Variants in OVCH2 observed in about 807,000 individuals in gnomAD.
OVCH2 encodes ovochymase 2.
A neutral mutation model predicts 73.7 loss-of-function variants in OVCH2; 88 were observed. The ratio of observed to expected loss-of-function variants is 1.19; its 90% CI spans 1.01 to 1.43. OVCH2 has a LOEUF of 1.43. Among genes scored for constraint, OVCH2 ranks in the 40% most tolerant of loss-of-function variants. The pLI is 0.00. For missense variants in OVCH2, 706 were observed against 674.5 expected (o/e 1.05, Z -0.52); for synonymous variants, 265 against 234.5 (o/e 1.13, Z -1.19).
chr11:7,684,011 A>G, the OVCH2 span, among the ~76,000 whole-genome samples: 5 of 149,014 alleles, frequency 3.4e-5, no homozygotes, highest in East Asian at 9.7e-4. Context: ...ATATATATAT[A>G]TGTATATAAA....
chr11:7,698,437 C>T (rs983875662), intron 8 of OVCH2, among the ~76,000 whole-genome samples: 9 of 152,162 alleles, frequency 5.9e-5, no homozygotes, highest in Non-Finnish European at 1.0e-4. Flanking sequence ...TAAGTAGGGA[C>T]ACTTTCAGGG....
downstream of OVCH2, among the ~76,000 whole-genome samples, chr11:7,684,922 T>C (rs919340919): frequency 2.6e-5 from 4 of 152,116 alleles, no homozygotes; most frequent in African/African-American, 9.7e-5. Context: ...CTTGCATTTG[T>C]CTCTCTCTCT....
chr11:7,691,446 G>A, intron 13 of OVCH2, 46 bp from the exon 14 acceptor site: 1 of 1,574,026 alleles, frequency 6.4e-7, no homozygotes, highest in East Asian at 2.3e-5. Context: ...GCACCCAGCA[G>A]ATAGCCATGG....
the OVCH2 span, among the ~76,000 whole-genome samples, chr11:7,683,202 C>T: frequency 2.0e-5 from 3 of 152,192 alleles, no homozygotes; most frequent in East Asian, 1.9e-4. Flanking sequence ...GCCCACTTGA[C>T]ATATCCTTTT....
At position 7,703,700 on chromosome 11, in the gene OVCH2, G is replaced by A. The variant is rs780112294; in HGVS notation, c.288C>T (p.Asn96=). The A allele has an allele frequency of 6.9e-6, 11 of 1,601,394 alleles. No individual in the cohort carries two copies. Among genetic ancestry groups the A allele is most frequent in the East Asian group, 2.2e-5 (1 of 44,700 alleles). The change falls in exon 3 of 16, where the codon AAC becomes AAT. Residue 96 remains asparagine, a splice_region_variant and synonymous_variant. Transcript: ENST00000533663. ...WVITAAHCIA[N]RNIVSTLNVT... ...CTCATGGGCTAGGCCTTTCTTACCT[G>A]TTTGCAATGCAGTGAGCCGCCGTGA...
At chr11:7,694,260 G>A (rs909913037) in intron 12 of OVCH2, among the ~76,000 whole-genome samples, 1 of 152,242 alleles carries the variant, frequency 6.6e-6, no homozygotes, top group South Asian at 2.1e-4. Flanking sequence ...CTCTGCAGAT[G>A]GTCCATTAGT....
chr11:7,686,291 C>A (rs1305330812), downstream of OVCH2, among the ~76,000 whole-genome samples: 1 of 152,172 alleles, frequency 6.6e-6, no homozygotes, highest in African/African-American at 2.4e-5. Flanking sequence ...ATGATTCTTA[C>A]CTCTTAGGGT....
chr11:7,693,856 A>G (rs1370723200), intron 12 of OVCH2, among the ~76,000 whole-genome samples: 2 of 152,150 alleles, frequency 1.3e-5, no homozygotes, highest in Non-Finnish European at 2.9e-5. Context: ...CCATCTAATT[A>G]TTCTCCCTTT....
chr11:7,680,997 A>G, the OVCH2 span, among the ~76,000 whole-genome samples: 1 of 152,150 alleles, frequency 6.6e-6, no homozygotes, highest in African/African-American at 2.4e-5. Context: ...CTACCCAGTC[A>G]CATCTTCAGC....
the OVCH2 span, among the ~76,000 whole-genome samples, chr11:7,678,702 G>C: frequency 3.9e-5 from 6 of 152,178 alleles, no homozygotes; most frequent in African/African-American, 1.2e-4. Flanking sequence ...ACTTAATGCC[G>C]CATGTTCTCA....
In OVCH2 at chr11:7,705,871, G is replaced by T. The variant is rs575274371; in HGVS notation, c.88+436C>A. ...CAAGAACTGTTTTCAGCTTAAGTTA[G>T]TTGAAGGGGAAAAAAGACCATTTAT... is the stretch of plus-strand genomic sequence containing the variant. On this transcript the variant is annotated intron_variant, in intron 1 of 15. Coordinates refer to ENST00000533663, the MANE Select transcript of OVCH2 (RefSeq NM_198185.7). Among the ~76,000 whole-genome samples, 18 of 152,274 alleles carry T rather than the reference G, an allele frequency of 1.2e-4. No individual in the cohort carries two copies. The South Asian group carries it at 3.7e-3, about 32-fold the overall frequency.
Position 7,703,719 on chromosome 11 carries a change from G to A in OVCH2, c.269C>T (p.Ala90Val), listed in dbSNP as rs528371803. Residue 90 changes from alanine (A) to valine (V), a missense_variant, in exon 3 of 16, where the codon GCG becomes GTG. Coordinates refer to ENST00000533663, the MANE Select transcript of OVCH2 (RefSeq NM_198185.7). ...SIVSPQWVIT[A>V]AHCIANRNIV... ...TTACCTGTTTGCAATGCAGTGAGCC[G>A]CCGTGATCACCCACTGTGGTGAGAC... The A allele has an allele frequency of 3.0e-5, 49 of 1,608,696 alleles. No individual in the cohort carries two copies. Among genetic ancestry groups the A allele is most frequent in the East Asian group, 6.7e-5 (3 of 44,772 alleles).
intron 8 of OVCH2, among the ~76,000 whole-genome samples, chr11:7,698,408 A>C (rs1232649594): frequency 6.6e-6 from 1 of 152,186 alleles, no homozygotes; most frequent in African/African-American, 2.4e-5. Flanking sequence ...CAATGGAACA[A>C]AGGGGATGAG....
chr11:7,686,727 T>C (rs7113286), downstream of OVCH2, among the ~76,000 whole-genome samples: 64,188 of 152,062 alleles, frequency 0.42, 16,639 homozygotes, highest in African/African-American at 0.73. Context: ...AGAACATTTC[T>C]GAAAATTCAC....
intron 6 of OVCH2, 144 bp downstream of exon 6, chr11:7,701,180 G>A: frequency 9.0e-7 from 1 of 1,106,204 alleles, no homozygotes; most frequent in South Asian, 1.8e-5. Flanking sequence ...GACCCTTATA[G>A]CTTCTTCAAG....
intron 12 of OVCH2, 35 bp downstream of exon 12, chr11:7,695,023 T>C (rs1341522467): frequency 1.3e-6 from 2 of 1,536,658 alleles, no homozygotes; most frequent in Non-Finnish European, 1.8e-6. Flanking sequence ...TCTGTGAATT[T>C]ACCATAGCTA....
At chr11:7,693,297 C>A (rs1318346778) in intron 12 of OVCH2, among the ~76,000 whole-genome samples, 2 of 152,182 alleles carry the variant, frequency 1.3e-5, no homozygotes, top group African/African-American at 2.4e-5. Flanking sequence ...GGAGGGGGAC[C>A]TGTATCAGAA....
chr11:7,693,962 C>G (rs7101979), intron 12 of OVCH2, among the ~76,000 whole-genome samples: 144,603 of 152,228 alleles, frequency 0.95, 69,149 homozygotes, highest in East Asian at 1. Flanking sequence ...ACATCTTTTT[C>G]TTTGGTTTTG....
At chr11:7,700,570 G>A (rs1856418611) in intron 6 of OVCH2, 85 bp from the exon 7 acceptor site, 1 of 1,427,826 alleles carries the variant, frequency 7.0e-7, no homozygotes, top group East Asian at 2.5e-5. Context: ...GGATGCTGGA[G>A]GAGGATCAAT....
Sources: allele counts gnomAD v4.1 joint callset (sites outside exome capture counted in the v4.1 genomes callset), GRCh38; gene constraint gnomAD v4.1.1; transcripts MANE v1.5; gene names NCBI Gene and HGNC (gene_info 2026-07-23, HGNC 2026-07-21).